Variants in DIP2A observed in about 807,000 individuals in gnomAD.
The protein encoded by DIP2A is disco-interacting protein 2 homolog A.
A neutral mutation model predicts 177.4 loss-of-function variants in DIP2A; 85 were observed. That is an observed-to-expected ratio of 0.48 (90% confidence interval 0.40 to 0.57). The LOEUF (loss-of-function observed/expected upper bound fraction) is 0.57, where lower values mean the gene tolerates loss of function less well. DIP2A is among the 20% of genes least tolerant of loss of function. DIP2A has a pLI of 0.00. For synonymous variants in DIP2A, 886 were observed against 881.8 expected (o/e 1.00, Z -0.08); for missense variants, 1,791 against 2,100.2 (o/e 0.85, Z 2.88).
chr21:46,502,727 T>A (rs2057723905), intron 5 of DIP2A, among the ~76,000 whole-genome samples: 1 of 152,066 alleles, frequency 6.6e-6, no homozygotes, highest in East Asian at 1.9e-4. Flanking sequence ...GGATTACAGG[T>A]GTGAGCTACC....
chr21:46,577,192 T>A, the DIP2A span, among the ~76,000 whole-genome samples: 3 of 152,250 alleles, frequency 2.0e-5, no homozygotes, highest in African/African-American at 7.2e-5. Flanking sequence ...GTTTTCATCA[T>A]GAAATCTCTG....
chr21:46,514,816 C>T (rs1420122636), intron 8 of DIP2A, among the ~76,000 whole-genome samples: 2 of 151,712 alleles, frequency 1.3e-5, no homozygotes, highest in East Asian at 1.9e-4. Context: ...AGATTAAGAA[C>T]GTTCCCTTCT....
At chr21:46,459,843 G>A (rs2054144045) in intron 1 of DIP2A, among the ~76,000 whole-genome samples, 1 of 152,114 alleles carries the variant, frequency 6.6e-6, no homozygotes, top group Admixed American at 6.5e-5. Context: ...CCGACCCCAA[G>A]GACTGGCTTT....
chr21:46,567,843 G>C lies in DIP2A; in HGVS notation c.*221G>C. 1 of 494,628 alleles carries C rather than the reference G, an allele frequency of 2.0e-6. No homozygotes were observed. Among genetic ancestry groups the C allele is most frequent in the Non-Finnish European group, 3.4e-6 (1 of 297,968 alleles). 30.6% of individuals were successfully genotyped at this position (494,628 alleles called of 1,614,324 possible). A position where few individuals can be genotyped will look rare whatever the true frequency, so the allele number is the denominator to read the frequency against. ...TACATTTACAAAAACACGGATGCTG[G>C]TATTTTAACAGATGGAGAGACAAGG... On this transcript the variant is annotated 3_prime_UTR_variant, in exon 38 of 38. Transcript: ENST00000417564.
intron 25 of DIP2A, among the ~76,000 whole-genome samples, chr21:46,552,753 G>A (rs1008735274): frequency 6.6e-6 from 1 of 152,164 alleles, no homozygotes; most frequent in Non-Finnish European, 1.5e-5. Flanking sequence ...AACAAGTTCC[G>A]TAGGAGAGAG....
chr21:46,563,987 T>C lies in DIP2A; in HGVS notation c.4164+55T>C. 6.4e-7 allele frequency: 1 copy of C among 1,562,934 alleles called. No individual in the cohort carries two copies. The highest frequency in any genetic ancestry group is 8.7e-7 in the Non-Finnish European group (1 of 1,152,748). On this transcript the variant is annotated intron_variant, in intron 35 of 37. Transcript: ENST00000417564. The surrounding 1 kb of genome is among the most constrained non-coding windows in gnomAD (Gnocchi z 4.3). ...GCTCTCCAGCCTCACCAGCTTCACC[T>C]TCCTTCCCTTTTTGCTTCAGATTTT...
At chr21:46,565,339 G>T (rs898905233) in intron 35 of DIP2A, among the ~76,000 whole-genome samples, 1 of 152,202 alleles carries the variant, frequency 6.6e-6, no homozygotes, top group African/African-American at 2.4e-5. Context: ...TCTCCACTCT[G>T]TAAGAACCCT....
intron 5 of DIP2A, among the ~76,000 whole-genome samples, chr21:46,502,174 G>A (rs1278569770): frequency 6.6e-6 from 1 of 151,960 alleles, no homozygotes; most frequent in African/African-American, 2.4e-5. Flanking sequence ...CTCACTCTGT[G>A]GCCCGGGCTA....
In DIP2A at chr21:46,496,570, TA is replaced by T. The variant is rs1374502068; in HGVS notation, c.284-410del. On this transcript the variant is annotated intron_variant, in intron 3 of 37. Coordinates refer to ENST00000417564, the MANE Select transcript of DIP2A (RefSeq NM_015151.4). ...CTAACACTAACGATAGCTGATAAGCTAAAAAAAATTGCAAAAAAATCTCATA... is the reference window on the plus strand; with the variant it reads ...CTAACACTAACGATAGCTGATAAGCTAAAAAAATTGCAAAAAAATCTCATA... Among the ~76,000 whole-genome samples, 37 of 152,098 alleles carry T rather than the reference TA, an allele frequency of 2.4e-4. No homozygotes were observed. In the South Asian group the frequency reaches 7.5e-3, roughly 31 times the overall value.
chr21:46,509,256 G>C lies in DIP2A; in HGVS notation c.785-1G>C. ...GTGCTCCTCTGTCCTTCCCGTGACA[G>C]GTGTCCCTGTGAACAGCAGAGTGTC... On this transcript the variant is annotated splice_acceptor_variant, in intron 6 of 37. Transcript: ENST00000417564. LOFTEE classifies it high-confidence loss of function. 1 of 1,611,736 alleles carries C rather than the reference G, an allele frequency of 6.2e-7. No homozygotes were observed. Among genetic ancestry groups the C allele is most frequent in the East Asian group, 2.2e-5 (1 of 44,854 alleles).
At chr21:46,522,610 G>T (rs934477662) in intron 8 of DIP2A, among the ~76,000 whole-genome samples, 2 of 152,194 alleles carry the variant, frequency 1.3e-5, no homozygotes, top group African/African-American at 4.8e-5. Context: ...ATGCAGAGAG[G>T]TGTGTATTCC....
intron 21 of DIP2A, 72 bp downstream of exon 21, chr21:46,547,114 G>T (rs185495426): frequency 7.0e-6 from 11 of 1,565,682 alleles, no homozygotes; most frequent in Non-Finnish European, 9.6e-6. Context: ...TTGTGCAGTA[G>T]ATGGAAAGCC....
At chr21:46,527,713 G>A (rs2059160632) in intron 8 of DIP2A, among the ~76,000 whole-genome samples, 2 of 151,936 alleles carry the variant, frequency 1.3e-5, no homozygotes, top group South Asian at 2.1e-4. Flanking sequence ...TATTACACGG[G>A]AAATTGAGCG....
the DIP2A span, among the ~76,000 whole-genome samples, chr21:46,580,355 G>T: frequency 6.6e-6 from 1 of 152,140 alleles, no homozygotes; most frequent in Non-Finnish European, 1.5e-5. Context: ...TGTGAGAGGG[G>T]TTTCTTGAAT....
At position 46,556,209 on chromosome 21, in the gene DIP2A, A is replaced by G. The variant is rs1015937485; in HGVS notation, c.3498+118A>G. On this transcript the variant is annotated intron_variant, in intron 29 of 37. Transcript: ENST00000417564. This position sits in a 1 kb window ranked among gnomAD's most constrained non-coding sequence, Gnocchi z 4.5. ...CTTCTTATGCAAAGCACAAAGCAAC[A>G]ATTTTGCTTCTTAAGATTTGTGTTA... is the stretch of plus-strand genomic sequence containing the variant. 7.1e-7 allele frequency: 1 copy of G among 1,407,440 alleles called. No homozygotes were observed. Among genetic ancestry groups the G allele is most frequent in the African/African-American group, 1.4e-5 (1 of 70,268 alleles). 87.2% of individuals were successfully genotyped at this position (1,407,440 alleles called of 1,614,324 possible). A position where few individuals can be genotyped will look rare whatever the true frequency, so the allele number is the denominator to read the frequency against.
chr21:46,460,704 T>A (rs2054214944), intron 1 of DIP2A, among the ~76,000 whole-genome samples: 1 of 152,168 alleles, frequency 6.6e-6, no homozygotes, highest in Non-Finnish European at 1.5e-5. Flanking sequence ...GGCACATTTT[T>A]TTTTTTTGAG....
chr21:46,481,064 C>G (rs1420960884), intron 1 of DIP2A, among the ~76,000 whole-genome samples: 1 of 152,138 alleles, frequency 6.6e-6, no homozygotes, highest in Non-Finnish European at 1.5e-5. Context: ...GACTCTAAAA[C>G]ATAATAAAAG....
rs928372963 is a variant in DIP2A, at chr21:46,561,938, G to C, written c.4089+133G>C. ...ACTTCTGGTTGGGGTGGGCTCGGCT[G>C]CTGCAGAAGTCTCCTTCCCTCCTTT... On this transcript the variant is annotated intron_variant, in intron 34 of 37. Coordinates refer to ENST00000417564, the MANE Select transcript of DIP2A (RefSeq NM_015151.4). 3.4e-6 allele frequency: 5 copies of C among 1,477,912 alleles called. No homozygotes were observed. The African/African-American group carries it at 5.6e-5, about 17-fold the overall frequency. 91.5% of individuals were successfully genotyped at this position (1,477,912 alleles called of 1,614,324 possible).
intron 13 of DIP2A, among the ~76,000 whole-genome samples, chr21:46,535,976 G>C (rs980295573): frequency 1.4e-4 from 21 of 152,158 alleles, no homozygotes; most frequent in Non-Finnish European, 1.6e-4. Flanking sequence ...AAGGAGGGGT[G>C]AACCGACCCA....
Sources: gnomAD v4.1 joint callset for allele counts (sites outside exome capture counted in the v4.1 genomes callset) on GRCh38, gnomAD v4.1.1 for gene constraint, Gnocchi (gnomAD v3.1) non-coding constraint, MANE v1.5 for transcripts, NCBI Gene and HGNC (gene_info 2026-07-23, HGNC 2026-07-21) for gene names.